CSMD1: variants seen among roughly 807,000 people sequenced by gnomAD.
CSMD1 encodes the protein CUB and sushi domain-containing protein 1.
Under a neutral mutation model 417.5 loss-of-function variants are expected in CSMD1, and 213 were observed. That is an observed-to-expected ratio of 0.51 (90% CI 0.46 to 0.57). The LOEUF is 0.57. Ranked by LOEUF, CSMD1 falls within the 20% of genes least tolerant of loss-of-function variation. The pLI, the probability that CSMD1 is intolerant of heterozygous loss-of-function variation, is 0.00. For missense variants in CSMD1, 6,923 were observed against 4,529.7 expected (o/e 1.53, Z -15.17); for synonymous variants, 2,862 against 1,736.8 (o/e 1.65, Z -16.11).
At chr8:3,332,576 A>T (rs1381235786) in intron 23 of CSMD1, among the ~76,000 whole-genome samples, 2 of 152,240 alleles carry the variant, frequency 1.3e-5, no homozygotes, top group Non-Finnish European at 2.9e-5. Context: ...TGTAAGCTGA[A>T]ATATTTCCTG....
At chr8:4,736,970 T>C (rs1004507884) in intron 1 of CSMD1, among the ~76,000 whole-genome samples, 3 of 152,206 alleles carry the variant, frequency 2.0e-5, no homozygotes, top group Non-Finnish European at 4.4e-5. Flanking sequence ...ATTTATTCTC[T>C]CATGGCTGCT....
At chr8:4,972,213 A>T (rs1430422901) in intron 1 of CSMD1, among the ~76,000 whole-genome samples, 1 of 152,116 alleles carries the variant, frequency 6.6e-6, no homozygotes, top group Non-Finnish European at 1.5e-5. Flanking sequence ...ACAAAGATGG[A>T]AATTTTTGTG....
At chr8:3,398,696 T>A (rs1811848937) in intron 16 of CSMD1, among the ~76,000 whole-genome samples, 1 of 152,196 alleles carries the variant, frequency 6.6e-6, no homozygotes, top group South Asian at 2.1e-4. Context: ...TAGCCTTTGG[T>A]TCATGTTGCT....
intron 2 of CSMD1, among the ~76,000 whole-genome samples, chr8:4,500,870 C>A (rs979859304): frequency 2.6e-5 from 4 of 152,094 alleles, no homozygotes; most frequent in African/African-American, 9.7e-5. Flanking sequence ...TCTGGCGTAA[C>A]CTTATTCCAC....
chr8:2,999,938 T>C lies in CSMD1; in HGVS notation c.8203+20A>G, dbSNP rs774982802. ...GCAAAAGGAAGCATCGATGAATTCG[T>C]CCACAAAGAGTGCACTTACGGACAC... On this transcript the variant is annotated intron_variant, in intron 53 of 69. Coordinates refer to ENST00000635120, the MANE Select transcript of CSMD1 (RefSeq NM_033225.6). 6 of 1,588,248 alleles carry C rather than the reference T, an allele frequency of 3.8e-6. No individual in the cohort carries two copies. The East Asian group carries it at 9.0e-5, about 24-fold the overall frequency.
intron 3 of CSMD1, among the ~76,000 whole-genome samples, chr8:4,209,392 A>G (rs1800169219): frequency 6.6e-6 from 1 of 151,842 alleles, no homozygotes; most frequent in Non-Finnish European, 1.5e-5. Context: ...GATGCCGAAG[A>G]CTCTCCAGGG....
chr8:4,239,902 A>G (rs151154725), intron 3 of CSMD1, among the ~76,000 whole-genome samples: 10 of 152,362 alleles, frequency 6.6e-5, no homozygotes, highest in East Asian at 1.9e-4. Flanking sequence ...AGCAATTTGC[A>G]TAAGTAAAAT....
chr8:3,331,732 T>C (rs1303802911), intron 23 of CSMD1, among the ~76,000 whole-genome samples: 1 of 152,236 alleles, frequency 6.6e-6, no homozygotes, highest in Non-Finnish European at 1.5e-5. Flanking sequence ...GTACCTGGAA[T>C]GAACTTGGTA....
chr8:3,424,951 C>T lies in CSMD1; in HGVS notation c.1562-15346G>A, dbSNP rs951288081. 2.0e-5 allele frequency among the ~76,000 whole-genome samples: 3 copies of T among 152,206 alleles called. No homozygotes were observed. The East Asian group carries it at 5.8e-4, about 29-fold the overall frequency. The stretch of plus-strand genomic sequence containing the variant: ...CTGGGCTCAAGTGATCTTTCGACCT[C>T]AGCCCCTGGAGTGGCTGGGACAACA... On this transcript the variant is annotated intron_variant, in intron 12 of 69. Coordinates refer to ENST00000635120, the MANE Select transcript of CSMD1 (RefSeq NM_033225.6).
chr8:3,503,992 A>T (rs896662969), intron 10 of CSMD1, among the ~76,000 whole-genome samples: 8 of 152,184 alleles, frequency 5.3e-5, no homozygotes, highest in African/African-American at 1.9e-4. Flanking sequence ...ATGAAAGTCC[A>T]GCTAGATAGG....
intron 5 of CSMD1, among the ~76,000 whole-genome samples, chr8:3,920,031 C>CTT (rs1241580769): frequency 6.6e-6 from 1 of 150,526 alleles, no homozygotes; most frequent in Non-Finnish European, 1.5e-5. Flanking sequence ...TTGTTTTTTA[C>CTT]TTTTTTGTTT....
intron 1 of CSMD1, among the ~76,000 whole-genome samples, chr8:4,671,289 C>T (rs1199415573): frequency 3.3e-5 from 5 of 152,044 alleles, no homozygotes; most frequent in African/African-American, 1.2e-4. Context: ...TGAATGGGCC[C>T]TAGGGAAACG....
intron 3 of CSMD1, among the ~76,000 whole-genome samples, chr8:4,072,376 C>T (rs1799604772): frequency 6.6e-6 from 1 of 152,112 alleles, no homozygotes; most frequent in Non-Finnish European, 1.5e-5. Context: ...TAGCTACCTG[C>T]CTTTAGTTTA....
intron 1 of CSMD1, among the ~76,000 whole-genome samples, chr8:4,781,149 T>C (rs747870290): frequency 6.6e-6 from 1 of 152,278 alleles, no homozygotes; most frequent in East Asian, 1.9e-4. Context: ...CAATCCCACA[T>C]AGTGGCTGTG....
chr8:4,301,500 A>G (rs2128873478), intron 3 of CSMD1, among the ~76,000 whole-genome samples: 1 of 152,306 alleles, frequency 6.6e-6, no homozygotes, highest in East Asian at 1.9e-4. Flanking sequence ...TAAGATCTCT[A>G]TTGAAAGCTC....
intron 11 of CSMD1, among the ~76,000 whole-genome samples, chr8:3,481,131 G>C (rs374050108): frequency 2.7e-4 from 39 of 141,888 alleles, no homozygotes; most frequent in African/African-American, 7.9e-4. Context: ...CTCCAGCCTG[G>C]GCAACAGAGC....
At chr8:3,486,010 G>A (rs1818011699) in intron 11 of CSMD1, among the ~76,000 whole-genome samples, 1 of 152,024 alleles carries the variant, frequency 6.6e-6, no homozygotes, top group African/African-American at 2.4e-5. Flanking sequence ...TTTCCTCAGT[G>A]ACTATCGATT....
chr8:3,499,092 T>C (rs1796486248), intron 10 of CSMD1, among the ~76,000 whole-genome samples: 1 of 152,208 alleles, frequency 6.6e-6, no homozygotes, highest in African/African-American at 2.4e-5. Flanking sequence ...TACATTAGTA[T>C]CTATACATCT....
chr8:3,982,795 T>G (rs2740806), intron 5 of CSMD1, among the ~76,000 whole-genome samples: 80,350 of 151,954 alleles, frequency 0.53, 21,227 homozygotes, highest in Admixed American at 0.57. Flanking sequence ...AGGGCAAGAA[T>G]CCGCTGGAGG....
Sources: allele counts gnomAD v4.1 joint callset (sites outside exome capture counted in the v4.1 genomes callset), GRCh38; gene constraint gnomAD v4.1.1; transcripts MANE v1.5; gene names NCBI Gene and HGNC (gene_info 2026-07-23, HGNC 2026-07-21).